Variants in ATP10B observed in about 807,000 individuals in gnomAD.
ATP10B encodes the protein phospholipid-transporting ATPase VB.
ATP10B carries 122 observed loss-of-function variants against 141.2 expected under a neutral mutation model. The ratio of observed to expected loss-of-function variants is 0.86; its 90% confidence interval spans 0.75 to 1.00. ATP10B has a LOEUF of 1.00. ATP10B is among the 50% of genes least tolerant of loss of function. The pLI is 0.00. For missense variants in ATP10B, 1,876 were observed against 1,825.3 expected, an observed-to-expected ratio of 1.03 and a Z score of -0.51; for synonymous variants, 685 against 692.0, an observed-to-expected ratio of 0.99 and a Z score of 0.16.
intron 23 of ATP10B, among the ~76,000 whole-genome samples, chr5:160,590,717 A>G (rs1340636308): frequency 2.0e-5 from 3 of 152,260 alleles, no homozygotes; most frequent in Non-Finnish European, 2.9e-5. Flanking sequence ...GAGTAAAGAT[A>G]GCCAGATGTA....
intron 13 of ATP10B, 70 bp downstream of exon 13, chr5:160,632,059 C>T: frequency 5.6e-6 from 8 of 1,440,582 alleles, no homozygotes; most frequent in Non-Finnish European, 7.5e-6. Flanking sequence ...TTTTCTTTTT[C>T]ACATTCCAGA....
chr5:160,759,517 G>A (rs1211059004), intron 2 of ATP10B, among the ~76,000 whole-genome samples: 3 of 152,086 alleles, frequency 2.0e-5, no homozygotes, highest in Admixed American at 6.5e-5. Context: ...TTTTAAGATT[G>A]TTATTTCTCC....
At chr5:160,916,108 T>C in the ATP10B span, among the ~76,000 whole-genome samples, 80,487 of 151,950 alleles carry the variant, frequency 0.53, 21,627 homozygotes, top group African/African-American at 0.58. Flanking sequence ...TGAGTTATGG[T>C]ATATCCCTAG....
the ATP10B span, among the ~76,000 whole-genome samples, chr5:160,920,089 G>A: frequency 3.3e-5 from 5 of 152,204 alleles, no homozygotes; most frequent in African/African-American, 1.2e-4. Context: ...AGGGAAGGTG[G>A]CAGTGAGAGG....
chr5:160,740,009 T>C (rs949440345), intron 2 of ATP10B, among the ~76,000 whole-genome samples: 1 of 152,106 alleles, frequency 6.6e-6, no homozygotes, highest in East Asian at 1.9e-4. Context: ...AAATACTGAA[T>C]AAATAAGTGA....
intron 13 of ATP10B, among the ~76,000 whole-genome samples, chr5:160,631,551 T>G (rs1487409639): frequency 6.6e-6 from 1 of 152,266 alleles, no homozygotes; most frequent in Admixed American, 6.5e-5. Flanking sequence ...TTCATAACTA[T>G]TTAAAACTTA....
At chr5:160,574,626 G>C (rs1755076308) in intron 24 of ATP10B, among the ~76,000 whole-genome samples, 1 of 152,136 alleles carries the variant, frequency 6.6e-6, no homozygotes, top group African/African-American at 2.4e-5. Context: ...ATAGTATTAA[G>C]AGGAGGGGCC....
intron 13 of ATP10B, among the ~76,000 whole-genome samples, chr5:160,629,167 A>G (rs1251411550): frequency 6.6e-6 from 1 of 151,976 alleles, no homozygotes; most frequent in Non-Finnish European, 1.5e-5. Context: ...CAGGTGCAGG[A>G]AGGCACAGAA....
chr5:160,715,699 T>TATTTATTC (rs1554107213), intron 3 of ATP10B, among the ~76,000 whole-genome samples: 5 of 149,690 alleles, frequency 3.3e-5, no homozygotes, highest in Non-Finnish European at 7.4e-5. Flanking sequence ...TTTATTTATT[T>TATTTATTC]ATTTATTTAT....
the ATP10B span, among the ~76,000 whole-genome samples, chr5:160,909,485 T>C: frequency 1.3e-5 from 2 of 152,190 alleles, no homozygotes; most frequent in Non-Finnish European, 1.5e-5. Context: ...TTTGGAGGGC[T>C]ATGAGGCTTT....
intron 3 of ATP10B, among the ~76,000 whole-genome samples, chr5:160,689,196 C>G (rs1763932423): frequency 6.6e-6 from 1 of 152,196 alleles, no homozygotes; most frequent in African/African-American, 2.4e-5. Context: ...GCTAAAAACT[C>G]TCAATAAACT....
rs190570712 is a variant in ATP10B at position 160,844,455 on chromosome 5, G to T, written c.-576+7486C>A. 6.0e-3 allele frequency among the ~76,000 whole-genome samples: 919 copies of T among 152,050 alleles called. 13 individuals are homozygous for T. The highest frequency in any genetic ancestry group is 0.021 in the African/African-American group (874 of 41,466). ...AAACTTTCTTAGCTCCCTTAGTGTC[G>T]TAGGAATTTTTTCACAGGTGCCACC... On this transcript the variant is annotated intron_variant, in intron 1 of 25. Coordinates refer to ENST00000327245, the MANE Select transcript of ATP10B (RefSeq NM_025153.3).
At chr5:160,789,323 T>C (rs747301387) in intron 1 of ATP10B, among the ~76,000 whole-genome samples, 6 of 152,140 alleles carry the variant, frequency 3.9e-5, no homozygotes, top group African/African-American at 7.2e-5. Flanking sequence ...TTTTTTATTG[T>C]GTAAACACCA....
intron 8 of ATP10B, among the ~76,000 whole-genome samples, chr5:160,645,393 T>G (rs1397064062): frequency 6.6e-6 from 1 of 152,108 alleles, no homozygotes; most frequent in East Asian, 1.9e-4. Context: ...AATGGTAAAG[T>G]AAGGAAGGGC....
chr5:160,582,812 G>A (rs1161687332), intron 24 of ATP10B, among the ~76,000 whole-genome samples: 1 of 150,922 alleles, frequency 6.6e-6, no homozygotes, highest in Non-Finnish European at 1.5e-5. Context: ...TTGTCTTCAA[G>A]CTTTCTCATT....
intron 8 of ATP10B, among the ~76,000 whole-genome samples, chr5:160,644,890 G>T (rs930118887): frequency 2.1e-4 from 32 of 152,110 alleles, no homozygotes; most frequent in Admixed American, 2.6e-4. Flanking sequence ...GGCCGAGGCA[G>T]GTGGATCATG....
At chr5:160,757,282 C>T (rs1324756667) in intron 2 of ATP10B, among the ~76,000 whole-genome samples, 1 of 152,150 alleles carries the variant, frequency 6.6e-6, no homozygotes, top group African/African-American at 2.4e-5. Flanking sequence ...TTCTATTGAT[C>T]TATATGCACA....
the ATP10B span, among the ~76,000 whole-genome samples, chr5:160,919,969 TTC>T: frequency 6.6e-6 from 1 of 152,222 alleles, no homozygotes; most frequent in Non-Finnish European, 1.5e-5. Flanking sequence ...AGCAGAGTTT[TTC>T]TGTTTGTCAA....
intron 2 of ATP10B, among the ~76,000 whole-genome samples, chr5:160,755,876 T>A (rs1347693950): frequency 8.7e-6 from 1 of 115,290 alleles, no homozygotes. Context: ...TATATATATA[T>A]ATTATAATTT....
Sources: gnomAD v4.1 joint callset for allele counts (sites outside exome capture counted in the v4.1 genomes callset) on GRCh38, gnomAD v4.1.1 for gene constraint, MANE v1.5 for transcripts, NCBI Gene and HGNC (gene_info 2026-07-23, HGNC 2026-07-21) for gene names.